The following NELL2 variants were observed in gnomAD, a reference collection of about 807,000 sequenced individuals.
The protein encoded by NELL2 is neural EGFL like 2.
A neutral mutation model predicts 109.6 loss-of-function variants in NELL2; 41 were observed. That is an observed-to-expected ratio of 0.37 (90% confidence interval 0.29 to 0.49). The LOEUF is 0.49. NELL2 is among the 20% of genes least tolerant of loss of function. NELL2 has a pLI of 0.98. For missense variants in NELL2, 900 were observed against 1,008.3 expected (o/e 0.89, Z 1.45); for synonymous variants, 355 against 344.7 (o/e 1.03, Z -0.33).
chr12:44,805,732 G>C (rs1339140157), intron 3 of NELL2, among the ~76,000 whole-genome samples: 1 of 151,694 alleles, frequency 6.6e-6, no homozygotes, highest in Non-Finnish European at 1.5e-5. Context: ...AGATCAATAG[G>C]AAACTAATCA....
intron 3 of NELL2, among the ~76,000 whole-genome samples, chr12:44,802,609 C>T (rs111929742): frequency 6.6e-6 from 1 of 152,004 alleles, no homozygotes; most frequent in Non-Finnish European, 1.5e-5. Flanking sequence ...TACCTAATTA[C>T]ATTTCAGTAA....
chr12:44,916,008 C>T (rs913954237), upstream of NELL2, among the ~76,000 whole-genome samples: 1 of 152,158 alleles, frequency 6.6e-6, no homozygotes, highest in Non-Finnish European at 1.5e-5. Flanking sequence ...TATTCACAGC[C>T]ACCACTTTTG....
chr12:44,774,838 G>T lies in NELL2; in HGVS notation c.903C>A (p.Ile301=). 2 of 1,612,348 alleles carry T rather than the reference G, an allele frequency of 1.2e-6. No individual in the cohort carries two copies. The highest frequency in any genetic ancestry group is 1.7e-6 in the Non-Finnish European group (2 of 1,178,526). ...CKNCTCLNGT[I]QCETLICPNP... is the part of the protein sequence containing the mutation. The stretch of plus-strand genomic sequence containing the variant: ...TTGGGCAGATTAGAGTTTCACACTG[G>T]ATGGTTCCATTCTGAAAAGGAAACA... The change falls in exon 9 of 20, where the codon ATC becomes ATA. Residue 301 remains isoleucine, a synonymous_variant. Coordinates refer to ENST00000429094, the MANE Select transcript of NELL2 (RefSeq NM_001145108.2).
In NELL2 at chr12:44,508,850, C is replaced by G; in HGVS notation, c.*84G>C. On this transcript the variant is annotated 3_prime_UTR_variant, in exon 20 of 20. Coordinates refer to ENST00000429094, the MANE Select transcript of NELL2 (RefSeq NM_001145108.2). ...AAGCTGCATTTAGCTGCCCACAAAT[C>G]ACCCAATTTAAGTTTTAACTTCTTT... 8.5e-7 allele frequency: 1 copy of G among 1,180,056 alleles called. No individual in the cohort carries two copies. Among genetic ancestry groups the G allele is most frequent in the Middle Eastern group, 2.0e-4 (1 of 5,030 alleles). 73.1% of individuals were successfully genotyped at this position (1,180,056 alleles called of 1,614,324 possible). A position where few individuals can be genotyped will look rare whatever the true frequency, so the allele number is the denominator to read the frequency against.
intron 12 of NELL2, among the ~76,000 whole-genome samples, chr12:44,686,391 G>A (rs946130757): frequency 6.6e-5 from 10 of 152,048 alleles, no homozygotes; most frequent in Admixed American, 1.3e-4. Flanking sequence ...TAATTTGATC[G>A]TCTGAAGCCT....
At chr12:44,589,341 A>G (rs934214543) in intron 15 of NELL2, among the ~76,000 whole-genome samples, 6 of 152,020 alleles carry the variant, frequency 3.9e-5, no homozygotes, top group African/African-American at 1.4e-4. Context: ...GTGATGAAAA[A>G]AATTTGCTCC....
chr12:44,690,115 C>T (rs1462995193), intron 12 of NELL2, among the ~76,000 whole-genome samples: 5 of 152,142 alleles, frequency 3.3e-5, no homozygotes, highest in Non-Finnish European at 7.4e-5. Context: ...TGAGACCCAA[C>T]CCTGACCTAC....
chr12:44,681,376 T>C (rs143682115), intron 12 of NELL2, among the ~76,000 whole-genome samples: 5 of 150,132 alleles, frequency 3.3e-5, no homozygotes, highest in African/African-American at 1.2e-4. Flanking sequence ...GTTGTTGGCA[T>C]AACCCTTTTT....
At chr12:44,642,587 T>C (rs746696141) in intron 13 of NELL2, among the ~76,000 whole-genome samples, 6 of 152,050 alleles carry the variant, frequency 3.9e-5, no homozygotes, top group Non-Finnish European at 5.9e-5. Context: ...TCCCTTAAAA[T>C]TTGTGAAGAA....
chr12:44,622,255 C>A (rs919897967), intron 13 of NELL2, among the ~76,000 whole-genome samples: 1 of 152,140 alleles, frequency 6.6e-6, no homozygotes, highest in Non-Finnish European at 1.5e-5. Context: ...CTTAAGAAAT[C>A]ATGATGCTTA....
At chr12:44,713,605 AAAG>A (rs1297633633) in intron 10 of NELL2, among the ~76,000 whole-genome samples, 1 of 151,956 alleles carries the variant, frequency 6.6e-6, no homozygotes, top group Non-Finnish European at 1.5e-5. Context: ...TTTAAAACTA[AAAG>A]AAGAAGAGAG....
intron 15 of NELL2, among the ~76,000 whole-genome samples, chr12:44,600,953 G>A (rs12812412): frequency 0.1 from 15,408 of 151,692 alleles, 934 homozygotes; most frequent in East Asian, 0.2. Context: ...ACTCCATTTG[G>A]CTAGTTTCAA....
At chr12:44,847,614 G>A (rs536299823) in intron 2 of NELL2, among the ~76,000 whole-genome samples, 1 of 150,244 alleles carries the variant, frequency 6.7e-6, no homozygotes, top group Non-Finnish European at 1.5e-5. Flanking sequence ...CACCAAGGGA[G>A]CAGAAAAGAG....
chr12:44,757,905 T>A (rs946666066), intron 9 of NELL2, among the ~76,000 whole-genome samples: 1 of 152,044 alleles, frequency 6.6e-6, no homozygotes, highest in South Asian at 2.1e-4. Context: ...ATAATTTTGA[T>A]AGATGATCCA....
chr12:44,525,324 A>G (rs1231148723), intron 16 of NELL2, among the ~76,000 whole-genome samples: 1 of 152,248 alleles, frequency 6.6e-6, no homozygotes, highest in African/African-American at 2.4e-5. Flanking sequence ...TAAATAAAGC[A>G]CATCTATAAT....
chr12:44,561,315 G>A (rs1943459617), intron 15 of NELL2, among the ~76,000 whole-genome samples: 1 of 152,156 alleles, frequency 6.6e-6, no homozygotes, highest in Non-Finnish European at 1.5e-5. Context: ...CATAGTATTG[G>A]AAGTTCTGGA....
chr12:44,916,569 A>T (rs1315520175), upstream of NELL2, among the ~76,000 whole-genome samples: 2 of 152,180 alleles, frequency 1.3e-5, no homozygotes, highest in African/African-American at 2.4e-5. Flanking sequence ...CTCTAGAGCC[A>T]TCTTTACTCC....
At chr12:44,647,027 A>C (rs910670880) in intron 13 of NELL2, among the ~76,000 whole-genome samples, 1 of 152,224 alleles carries the variant, frequency 6.6e-6, no homozygotes, top group African/African-American at 2.4e-5. Context: ...GCACATAGTA[A>C]GCACAGACCC....
chr12:44,610,612 G>A (rs1468977580), intron 14 of NELL2, among the ~76,000 whole-genome samples: 1 of 151,990 alleles, frequency 6.6e-6, no homozygotes, highest in Non-Finnish European at 1.5e-5. Flanking sequence ...AAACCACTGT[G>A]GCTAAGGTCA....
Sources: gnomAD v4.1 joint callset for allele counts (sites outside exome capture counted in the v4.1 genomes callset) on GRCh38, gnomAD v4.1.1 for gene constraint, MANE v1.5 for transcripts, NCBI Gene and HGNC (gene_info 2026-07-23, HGNC 2026-07-21) for gene names.